SKI: variants seen among roughly 807,000 people sequenced by gnomAD.
SKI encodes the protein SKI proto-oncogene.
A neutral mutation model predicts 59.3 loss-of-function variants in SKI; 23 were observed. The observed-to-expected ratio is 0.39, with a 90% CI of 0.28 to 0.55. SKI has a LOEUF of 0.55. Among genes scored for constraint, SKI ranks in the 20% least tolerant of loss-of-function variants. The probability of loss-of-function intolerance (pLI) is 0.67; values close to 1 mark genes in which losing one functional copy is unlikely to be tolerated. For synonymous variants in SKI, 673 were observed against 488.6 expected, an observed-to-expected ratio of 1.38 and a Z score of -4.98; for missense variants, 1,017 against 1,038.9, an observed-to-expected ratio of 0.98 and a Z score of 0.29.
intron 1 of SKI, among the ~76,000 whole-genome samples, chr1:2,277,604 T>C (rs1639771367): frequency 6.6e-6 from 1 of 152,226 alleles, no homozygotes; most frequent in Admixed American, 6.5e-5. Context: ...GTTTCGGGTA[T>C]ATCTTCTTCA....
At chr1:2,285,383 C>T (rs748004957) in intron 1 of SKI, among the ~76,000 whole-genome samples, 6 of 151,288 alleles carry the variant, frequency 4.0e-5, no homozygotes, top group Non-Finnish European at 7.4e-5. Flanking sequence ...AGCGTGGTGG[C>T]GGGTGCCTGT....
chr1:2,304,139 G>C, intron 4 of SKI, 37 bp downstream of exon 4: 1 of 1,608,708 alleles, frequency 6.2e-7, no homozygotes, highest in African/African-American at 1.3e-5. Flanking sequence ...CCTCCCTGTG[G>C]GCTGTGGGGG....
At chr1:2,279,074 C>T (rs927840004) in intron 1 of SKI, among the ~76,000 whole-genome samples, 3 of 152,124 alleles carry the variant, frequency 2.0e-5, no homozygotes, top group Non-Finnish European at 1.5e-5. Context: ...GCTGGGTGGT[C>T]GCCTGGACTC....
chr1:2,303,561 G>A lies in SKI; in HGVS notation c.1211+161G>A. Reference sequence around the variant, plus strand: ...GTTCCTTTGGCTGGCATCAGGGAGAGCACACCTAGAGCGTTCCCTGTGTTC... The same window carrying A: ...GTTCCTTTGGCTGGCATCAGGGAGAACACACCTAGAGCGTTCCCTGTGTTC... On this transcript the variant is annotated intron_variant, in intron 3 of 6. Coordinates refer to ENST00000378536, the MANE Select transcript of SKI (RefSeq NM_003036.4). This position sits in a 1 kb window ranked among gnomAD's most constrained non-coding sequence, Gnocchi z 5.6. 1.4e-6 allele frequency: 1 copy of A among 717,022 alleles called. No homozygotes were observed. Among genetic ancestry groups the A allele is most frequent in the Non-Finnish European group, 2.3e-6 (1 of 431,656 alleles). The allele number at this position is 717,022 out of a possible 1,614,324, so 44.4% of individuals were successfully genotyped here.
chr1:2,304,011 C>A lies in SKI; in HGVS notation c.1383C>A (p.Thr461=). ...QPRKRKLTVD[T]PGAPETLAPV... ...GGAAGCGGAAGCTGACTGTGGACAC[C>A]CCAGGAGCCCCAGAGACGCTGGCGC... The change falls in exon 4 of 7, where the codon ACC becomes ACA. Residue 461 remains threonine, a synonymous_variant. Coordinates refer to ENST00000378536, the MANE Select transcript of SKI (RefSeq NM_003036.4). 1 of 1,612,528 alleles carries A rather than the reference C, an allele frequency of 6.2e-7. No individual in the cohort carries two copies. The highest frequency in any genetic ancestry group is 1.1e-5 in the South Asian group (1 of 91,074).
intron 1 of SKI, among the ~76,000 whole-genome samples, chr1:2,284,271 G>T (rs952675193): frequency 6.6e-6 from 1 of 152,130 alleles, no homozygotes; most frequent in Non-Finnish European, 1.5e-5. Flanking sequence ...CTGATCCCTG[G>T]ACCCATGCTG....
intron 1 of SKI, among the ~76,000 whole-genome samples, chr1:2,246,281 A>G (rs1553192631): frequency 1.3e-5 from 2 of 151,998 alleles, no homozygotes; most frequent in African/African-American, 2.4e-5. Context: ...TTCCCTGATG[A>G]TTAGTATGTT....
In SKI at chr1:2,303,567, C is replaced by G. The variant is rs1053227547; in HGVS notation, c.1211+167C>G. 6 of 702,398 alleles carry G rather than the reference C, an allele frequency of 8.5e-6. No homozygotes were observed. The East Asian group carries it at 1.6e-4, about 19-fold the overall frequency. The allele number at this position is 702,398 out of a possible 1,614,324, so 43.5% of individuals were successfully genotyped here. A position where few individuals can be genotyped will look rare whatever the true frequency, so the allele number is the denominator to read the frequency against. ...TTGGCTGGCATCAGGGAGAGCACAC[C>G]TAGAGCGTTCCCTGTGTTCTGGGTG... On this transcript the variant is annotated intron_variant, in intron 3 of 6. Coordinates refer to ENST00000378536, the MANE Select transcript of SKI (RefSeq NM_003036.4). This position sits in a 1 kb window ranked among gnomAD's most constrained non-coding sequence, Gnocchi z 5.6.
intron 1 of SKI, among the ~76,000 whole-genome samples, chr1:2,266,409 C>T (rs886685670): frequency 2.0e-5 from 3 of 152,200 alleles, no homozygotes; most frequent in Non-Finnish European, 4.4e-5. Flanking sequence ...GCCATGCTCT[C>T]CCTGAATTGT....
intron 1 of SKI, among the ~76,000 whole-genome samples, chr1:2,300,743 G>C (rs577358899): frequency 5.9e-5 from 9 of 152,336 alleles, no homozygotes; most frequent in Non-Finnish European, 1.2e-4. Flanking sequence ...GGGTCTTAAC[G>C]GAGTCATGTC....
chr1:2,253,110 AAT>A (rs923804229), intron 1 of SKI, among the ~76,000 whole-genome samples: 4 of 140,494 alleles, frequency 2.8e-5, no homozygotes, highest in East Asian at 2.2e-4. Context: ...AAAAAAAAAA[AAT>A]AGAGTTGCTA....
At chr1:2,265,783 A>G (rs1639489476) in intron 1 of SKI, among the ~76,000 whole-genome samples, 1 of 152,124 alleles carries the variant, frequency 6.6e-6, no homozygotes, top group Non-Finnish European at 1.5e-5. Context: ...CCTGGGCAAC[A>G]TGGAGAAACC....
At chr1:2,233,185 G>C (rs977942061) in intron 1 of SKI, among the ~76,000 whole-genome samples, 3 of 151,190 alleles carry the variant, frequency 2.0e-5, no homozygotes, top group African/African-American at 7.3e-5. Flanking sequence ...CTGCTCCAAG[G>C]GGGGGTCCTG....
Position 2,270,726 on chromosome 1 carries a change from C to G in SKI, c.970-32252C>G, listed in dbSNP as rs888160338. Among the ~76,000 whole-genome samples, 11 of 152,208 alleles carry G rather than the reference C, an allele frequency of 7.2e-5. No individual in the cohort carries two copies. Among genetic ancestry groups the G allele is most frequent in the African/African-American group, 2.7e-4 (11 of 41,452 alleles). On this transcript the variant is annotated intron_variant, in intron 1 of 6. Transcript: ENST00000378536. The surrounding 1 kb of genome is among the most constrained non-coding windows in gnomAD (Gnocchi z 4.1). ...GGAGCAGAGACTGGACCTGGCCAGC[C>G]CCTCCCGCTTCCCTTCCTCTGGGCC...
Position 2,308,517 on chromosome 1 carries a change from AG to A in SKI, c.*1753del, listed in dbSNP as rs951781654. ...CACCTCTGCCGTAGGTAGATCCGTCAGCGGGCATTATTACCGTGTCTTGTAA... is the reference window on the plus strand; with the variant it reads ...CACCTCTGCCGTAGGTAGATCCGTCACGGGCATTATTACCGTGTCTTGTAA... On this transcript the variant is annotated 3_prime_UTR_variant, in exon 7 of 7. Transcript: ENST00000378536. The A allele has an allele frequency of 1.2e-4, 19 of 152,210 alleles. No individual in the cohort carries two copies. Among genetic ancestry groups the A allele is most frequent in the African/African-American group, 4.6e-4 (19 of 41,430 alleles). The allele number at this position is 152,210 out of a possible 1,614,324, so 9.4% of individuals were successfully genotyped here.
chr1:2,285,404 A>C (rs1335012938), intron 1 of SKI, among the ~76,000 whole-genome samples: 1 of 151,782 alleles, frequency 6.6e-6, no homozygotes, highest in Non-Finnish European at 1.5e-5. Context: ...AATCCCAGCT[A>C]CTAGGGAGGC....
chr1:2,284,271 G>C (rs952675193), intron 1 of SKI, among the ~76,000 whole-genome samples: 1 of 152,130 alleles, frequency 6.6e-6, no homozygotes, highest in Admixed American at 6.5e-5. Flanking sequence ...CTGATCCCTG[G>C]ACCCATGCTG....
intron 1 of SKI, among the ~76,000 whole-genome samples, chr1:2,242,292 G>C (rs1003301347): frequency 2.0e-5 from 3 of 152,196 alleles, no homozygotes; most frequent in African/African-American, 4.8e-5. Flanking sequence ...CAGAACAGCC[G>C]AGAAGAGTGC....
chr1:2,287,963 C>T (rs763564643), intron 1 of SKI, among the ~76,000 whole-genome samples: 60 of 152,060 alleles, frequency 3.9e-4, no homozygotes, highest in Non-Finnish European at 6.6e-4. Flanking sequence ...GGCTGTTTCT[C>T]GTCTGTCTTT....
Sources: allele counts gnomAD v4.1 joint callset (sites outside exome capture counted in the v4.1 genomes callset), GRCh38; gene constraint gnomAD v4.1.1; non-coding constraint Gnocchi (gnomAD v3.1); transcripts MANE v1.5; gene names NCBI Gene and HGNC (gene_info 2026-07-23, HGNC 2026-07-21).